POLE2: variants seen among roughly 807,000 people sequenced by gnomAD.
POLE2 encodes DNA polymerase epsilon subunit 2.
Under a neutral mutation model 79.4 loss-of-function variants are expected in POLE2, and 56 were observed. The observed-to-expected ratio is 0.71, with a 90% CI of 0.57 to 0.88. The LOEUF (loss-of-function observed/expected upper bound fraction) is 0.88. Ranked by LOEUF, POLE2 falls within the 40% of genes least tolerant of loss-of-function variation. The pLI, the probability that POLE2 is intolerant of heterozygous loss-of-function variation, is 0.00. For synonymous variants in POLE2, 212 were observed against 214.0 expected, an observed-to-expected ratio of 0.99 and a Z score of 0.08; for missense variants, 598 against 638.9, an observed-to-expected ratio of 0.94 and a Z score of 0.69.
intron 17 of POLE2, 181 bp downstream of exon 17, chr14:49,650,084 T>C: frequency 1.1e-5 from 4 of 363,036 alleles, no homozygotes; most frequent in Non-Finnish European, 1.9e-5. Flanking sequence ...ATAGTCACTA[T>C]ACTGAAAGTT....
intron 10 of POLE2, among the ~76,000 whole-genome samples, chr14:49,660,561 T>G (rs1439740345): frequency 6.6e-6 from 1 of 152,032 alleles, no homozygotes; most frequent in Non-Finnish European, 1.5e-5. Context: ...CTGGCTTGAG[T>G]CGGAAACCTT....
At chr14:49,669,500 AC>A (rs1299292763) in intron 6 of POLE2, 23 bp downstream of exon 6, 7 of 1,185,350 alleles carry the variant, frequency 5.9e-6, no homozygotes, top group Admixed American at 1.7e-5. Context: ...TATACCCCCT[AC>A]ATAACTAGGA....
At chr14:49,680,067 G>A (rs954321256) in intron 2 of POLE2, among the ~76,000 whole-genome samples, 2 of 152,176 alleles carry the variant, frequency 1.3e-5, no homozygotes, top group Non-Finnish European at 2.9e-5. Context: ...GAACATTTCT[G>A]AGCTAGGGTC....
At chr14:49,670,633 A>G (rs1885818338) in intron 5 of POLE2, among the ~76,000 whole-genome samples, 1 of 152,216 alleles carries the variant, frequency 6.6e-6, no homozygotes, top group South Asian at 2.1e-4. Flanking sequence ...GGTAGGCTCA[A>G]AAGAGACAGA....
intron 16 of POLE2, 64 bp from the exon 17 acceptor site, chr14:49,650,505 A>G: frequency 9.5e-7 from 1 of 1,056,226 alleles, no homozygotes; most frequent in African/African-American, 1.6e-5. Context: ...TAGCTAAACA[A>G]ATAATTTCAA....
At position 49,652,172 on chromosome 14, in the gene POLE2, G is replaced by GAGTAAAAGCTGGAGACCAATT. The variant is rs1566531370; in HGVS notation, c.1212-796_1212-795insAATTGGTCTCCAGCTTTTACT. ...TGCGTTAAGAATAGAATACGGAGAG[G>GAGTAAAAGCTGGAGACCAATT]AGAATGGCATGAACCCGGGAGGCGG... On this transcript the variant is annotated intron_variant, in intron 15 of 18. Coordinates refer to ENST00000216367, the MANE Select transcript of POLE2 (RefSeq NM_002692.4). 2.1e-4 allele frequency among the ~76,000 whole-genome samples: 8 copies of GAGTAAAAGCTGGAGACCAATT among 38,128 alleles called. 1 individual carries two copies. The highest frequency in any genetic ancestry group is 7.6e-4 in the Admixed American group (3 of 3,924). 25.0% of individuals were successfully genotyped at this position (38,128 alleles called of 152,430 possible).
At chr14:49,661,842 T>C (rs960230175) in intron 10 of POLE2, among the ~76,000 whole-genome samples, 2 of 152,170 alleles carry the variant, frequency 1.3e-5, no homozygotes, top group African/African-American at 4.8e-5. Flanking sequence ...TACCAATCCT[T>C]TGGTTTACTA....
chr14:49,656,299 T>C (rs1884668805), intron 10 of POLE2, among the ~76,000 whole-genome samples: 1 of 148,240 alleles, frequency 6.7e-6, no homozygotes, highest in South Asian at 2.1e-4. Flanking sequence ...GAGCCTGCAG[T>C]GAGCCGAGAT....
At chr14:49,671,023 T>A (rs999210573) in intron 5 of POLE2, among the ~76,000 whole-genome samples, 21 of 152,242 alleles carry the variant, frequency 1.4e-4, no homozygotes, top group African/African-American at 4.6e-4. Flanking sequence ...AGGATAATGA[T>A]AACATCAGAT....
rs757722402 is a variant in POLE2, at chr14:49,655,745, G to C, written c.854C>G (p.Ala285Gly). The C allele has an allele frequency of 6.2e-7, 1 of 1,610,800 alleles. No individual in the cohort carries two copies. Among genetic ancestry groups the C allele is most frequent in the South Asian group, 1.1e-5 (1 of 90,806 alleles). Residue 285 changes from alanine (A) to glycine (G), a missense_variant, in exon 11 of 19, where the codon GCT becomes GGT. Ala to Gly is a moderately conservative substitution (Grantham distance 60). Coordinates refer to ENST00000216367, the MANE Select transcript of POLE2 (RefSeq NM_002692.4). ...AACATCAGATAAAAACACAAACATA[G>C]CATCTTTATTCTCCTCTTCTAGCTG... The part of the protein sequence containing the change: ...LKQLEEENKD[A>G]MFVFLSDVWL...
intron 18 of POLE2, 130 bp from the exon 19 acceptor site, chr14:49,643,800 C>T: frequency 3.3e-6 from 1 of 307,126 alleles, no homozygotes; most frequent in Non-Finnish European, 6.2e-6. Context: ...CATACTGTTT[C>T]AAATTCAAAA....
At chr14:49,671,141 C>T (rs543355749) in intron 5 of POLE2, among the ~76,000 whole-genome samples, 1 of 152,172 alleles carries the variant, frequency 6.6e-6, no homozygotes, top group South Asian at 2.1e-4. Flanking sequence ...GGCACACCCA[C>T]CATAACAGAG....
rs1313747088 is a variant in POLE2 at position 49,670,982 on chromosome 14, T to G, written c.418-1384A>C. On this transcript the variant is annotated intron_variant, in intron 5 of 18. Transcript: ENST00000216367. The stretch of plus-strand genomic sequence containing the variant: ...GTATGCCCAGCCAAGAAGTTTGTCC[T>G]ATAGACAATGAGAAACAAAGATTTT... Among the ~76,000 whole-genome samples, 4 of 152,330 alleles carry G rather than the reference T, an allele frequency of 2.6e-5. No individual in the cohort carries two copies. The East Asian group carries it at 7.7e-4, about 29-fold the overall frequency.
At chr14:49,675,719 C>G (rs957920598) in intron 3 of POLE2, among the ~76,000 whole-genome samples, 1 of 146,280 alleles carries the variant, frequency 6.8e-6, no homozygotes, top group Non-Finnish European at 1.5e-5. Flanking sequence ...AGCCACCATG[C>G]CCAACCCCAA....
At chr14:49,653,889 C>G in intron 15 of POLE2, 101 bp downstream of exon 15, 1 of 658,286 alleles carries the variant, frequency 1.5e-6, no homozygotes, top group South Asian at 2.0e-5. Flanking sequence ...AACCTGCCTG[C>G]CTCGGCCTCC....
intron 1 of POLE2, among the ~76,000 whole-genome samples, chr14:49,686,151 A>G (rs1319149552): frequency 6.6e-6 from 1 of 152,226 alleles, no homozygotes; most frequent in East Asian, 1.9e-4. Flanking sequence ...AGTTACACCT[A>G]TGTAATCCCC....
intron 10 of POLE2, among the ~76,000 whole-genome samples, chr14:49,660,985 A>G (rs1001765978): frequency 1.3e-5 from 2 of 152,148 alleles, no homozygotes; most frequent in African/African-American, 2.4e-5. Context: ...GGTGGAGTGC[A>G]GTGGCAGGAT....
intron 18 of POLE2, 136 bp from the exon 19 acceptor site, chr14:49,643,806 C>A: frequency 3.8e-5 from 12 of 313,854 alleles, no homozygotes; most frequent in East Asian, 1.1e-4. Flanking sequence ...GTTTCAAATT[C>A]AAAAGGAGAC....
Position 49,650,386 on chromosome 14 carries a change from C to T in POLE2, c.1376G>A (p.Cys459Tyr), listed in dbSNP as rs752456596. 1.9e-6 allele frequency: 3 copies of T among 1,594,738 alleles called. No homozygotes were observed. The highest frequency in any genetic ancestry group is 1.1e-5 in the South Asian group (1 of 88,716). ...GHLTPLPLYV[C>Y]PVYWAYDYAL... ...ATAGTCATATGCCCAATACACTGGG[C>T]AGACATAAAGAGGTAGGGGAGTCAG... The change falls in exon 17 of 19, where the codon TGC becomes TAC. Residue 459 changes from cysteine (C) to tyrosine (Y), a missense_variant. Cys to Tyr is a radical substitution (Grantham distance 194, BLOSUM62 -2). Transcript: ENST00000216367.
Sources: allele counts gnomAD v4.1 joint callset (sites outside exome capture counted in the v4.1 genomes callset), GRCh38; gene constraint gnomAD v4.1.1; transcripts MANE v1.5; gene names NCBI Gene and HGNC (gene_info 2026-07-23, HGNC 2026-07-21).